The following CNTN5 variants were observed in gnomAD, a reference collection of about 807,000 sequenced individuals.
The protein encoded by CNTN5 is contactin-5.
CNTN5 carries 77 observed loss-of-function variants against 129.1 expected under a neutral mutation model. The observed-to-expected ratio is 0.60, with a 90% CI of 0.50 to 0.72. The LOEUF (loss-of-function observed/expected upper bound fraction) is 0.72. CNTN5 is among the 30% of genes least tolerant of loss of function. The probability of loss-of-function intolerance (pLI) is 0.00; values close to 1 mark genes in which losing one functional copy is unlikely to be tolerated. For synonymous variants in CNTN5, 509 were observed against 465.6 expected, an observed-to-expected ratio of 1.09 and a Z score of -1.20; for missense variants, 1,478 against 1,328.8, an observed-to-expected ratio of 1.11 and a Z score of -1.75.
At chr11:99,956,740 G>C in intron 7 of CNTN5, 66 bp from the exon 8 acceptor site, 2 of 1,196,794 alleles carry the variant, frequency 1.7e-6, no homozygotes, top group Non-Finnish European at 2.5e-6. Context: ...AGGCTTTGTT[G>C]TTTGAGCTTT....
chr11:100,299,399 C>G lies in CNTN5; in HGVS notation c.2620+3C>G. The G allele has an allele frequency of 2.6e-6, 4 of 1,553,024 alleles. No individual in the cohort carries two copies. The East Asian group carries it at 9.0e-5, about 35-fold the overall frequency. On this transcript the variant is annotated splice_donor_region_variant and intron_variant, in intron 20 of 24. Transcript: ENST00000524871. The stretch of plus-strand genomic sequence containing the variant: ...GGTCATCTGTTCAGCTGAAGGAGGT[C>G]AGTTTTTTTATTCCTATTATTTTTA...
intron 3 of CNTN5, among the ~76,000 whole-genome samples, chr11:99,742,748 C>A (rs573004398): frequency 6.6e-6 from 1 of 152,276 alleles, no homozygotes; most frequent in East Asian, 1.9e-4. Context: ...GCCTAGCGTT[C>A]CTTCTACTGA....
chr11:99,247,810 C>T (rs1255226684), intron 1 of CNTN5, among the ~76,000 whole-genome samples: 1 of 152,112 alleles, frequency 6.6e-6, no homozygotes, highest in Non-Finnish European at 1.5e-5. Context: ...TTTATGGCTG[C>T]ATGGTATTCC....
intron 2 of CNTN5, among the ~76,000 whole-genome samples, chr11:99,424,856 G>C (rs538146597): frequency 3.3e-5 from 5 of 152,254 alleles, no homozygotes; most frequent in South Asian, 2.1e-4. Flanking sequence ...TGTCCAGGAA[G>C]AATGAGGTAC....
chr11:99,942,441 T>C (rs964390771), intron 7 of CNTN5, among the ~76,000 whole-genome samples: 2 of 152,192 alleles, frequency 1.3e-5, no homozygotes, highest in African/African-American at 2.4e-5. Flanking sequence ...AAATTGGCAG[T>C]GTTGTAAGCA....
chr11:100,176,260 C>T (rs7938409), intron 13 of CNTN5, among the ~76,000 whole-genome samples: 4,684 of 151,950 alleles, frequency 0.031, 243 homozygotes, highest in African/African-American at 0.11. Flanking sequence ...CCTCAAGTGA[C>T]CCACCCACCT....
chr11:99,524,312 T>A lies in CNTN5; in HGVS notation c.-70-31833T>A, dbSNP rs77956481. 7.4e-4 allele frequency among the ~76,000 whole-genome samples: 112 copies of A among 152,310 alleles called. 2 individuals are homozygous for A. In the East Asian group the frequency reaches 0.015, roughly 20 times the overall value. On this transcript the variant is annotated intron_variant, in intron 2 of 24. Coordinates refer to ENST00000524871, the MANE Select transcript of CNTN5 (RefSeq NM_014361.4). ...TTTGTTTTGTATTTTCATAAAATGA[T>A]CATTTTAATTTAAAGGTATAATAAT... is the stretch of plus-strand genomic sequence containing the variant.
intron 8 of CNTN5, among the ~76,000 whole-genome samples, chr11:99,958,792 A>T (rs895388234): frequency 6.6e-6 from 1 of 152,190 alleles, no homozygotes; most frequent in Non-Finnish European, 1.5e-5. Flanking sequence ...TCTGAAAATT[A>T]TAACTTTTTT....
chr11:99,754,795 G>A (rs971300030), intron 3 of CNTN5, among the ~76,000 whole-genome samples: 1 of 152,060 alleles, frequency 6.6e-6, no homozygotes, highest in Non-Finnish European at 1.5e-5. Flanking sequence ...GTTTACATTA[G>A]GGTTCACTCT....
intron 13 of CNTN5, among the ~76,000 whole-genome samples, chr11:100,123,344 A>G (rs1946087491): frequency 6.6e-6 from 1 of 152,068 alleles, no homozygotes. Context: ...GTCTAGTCTT[A>G]ATATTCCATG....
chr11:99,619,983 G>T (rs1404012112), intron 3 of CNTN5, among the ~76,000 whole-genome samples: 1 of 122,840 alleles, frequency 8.1e-6, no homozygotes, highest in African/African-American at 2.9e-5. Flanking sequence ...CCGAGATCGT[G>T]CCACTGCACT....
rs531745529 is a variant in CNTN5 at position 100,279,010 on chromosome 11, G to A, written c.2314+7769G>A. On this transcript the variant is annotated intron_variant, in intron 18 of 24. Transcript: ENST00000524871. Reference sequence around the variant, plus strand: ...CCAGTTTGTTGAGAATTTTTATCATGAAGAGATGCTAAATTTTATCAAATG... The same window carrying A: ...CCAGTTTGTTGAGAATTTTTATCATAAAGAGATGCTAAATTTTATCAAATG... 1.1e-4 allele frequency among the ~76,000 whole-genome samples: 17 copies of A among 152,058 alleles called. No homozygotes were observed. In the South Asian group the frequency reaches 3.5e-3, roughly 31 times the overall value.
chr11:99,698,643 T>C (rs1176999186), intron 3 of CNTN5, among the ~76,000 whole-genome samples: 1 of 151,574 alleles, frequency 6.6e-6, no homozygotes, highest in Non-Finnish European at 1.5e-5. Flanking sequence ...ATTGTTTCAG[T>C]AATTGCATGG....
intron 7 of CNTN5, among the ~76,000 whole-genome samples, chr11:99,917,373 C>G (rs1178455010): frequency 6.6e-6 from 1 of 151,970 alleles, no homozygotes; most frequent in African/African-American, 2.4e-5. Flanking sequence ...AAGACAACAT[C>G]TGTTTTAATT....
At chr11:99,595,836 T>C (rs978594282) in intron 3 of CNTN5, among the ~76,000 whole-genome samples, 2 of 152,046 alleles carry the variant, frequency 1.3e-5, no homozygotes, top group Admixed American at 6.6e-5. Flanking sequence ...TCAATAAATA[T>C]TGAACTTTAG....
At chr11:99,174,059 C>T (rs973843900) in intron 1 of CNTN5, among the ~76,000 whole-genome samples, 5 of 152,072 alleles carry the variant, frequency 3.3e-5, no homozygotes, top group Admixed American at 6.6e-5. Flanking sequence ...GTGCAGTGGC[C>T]GTGTTCTTGG....
rs527837281 is a variant in CNTN5, at chr11:99,709,383, T to A, written c.56-110161T>A. Among the ~76,000 whole-genome samples, 9 of 150,584 alleles carry A rather than the reference T, an allele frequency of 6.0e-5. No homozygotes were observed. In the South Asian group the frequency reaches 1.1e-3, roughly 18 times the overall value. On this transcript the variant is annotated intron_variant, in intron 3 of 24. Coordinates refer to ENST00000524871, the MANE Select transcript of CNTN5 (RefSeq NM_014361.4). Reference sequence around the variant, plus strand: ...ATGTCAAGATTTTGCACTGAATTGTTCAGTGGAACTTTACATTGAAAGTCT... The same window carrying A: ...ATGTCAAGATTTTGCACTGAATTGTACAGTGGAACTTTACATTGAAAGTCT...
Position 100,297,654 on chromosome 11 carries a change from G to A in CNTN5, c.2344G>A (p.Gly782Arg), listed in dbSNP as rs753838831. The A allele has an allele frequency of 5.0e-6, 8 of 1,605,246 alleles. No homozygotes were observed. The highest frequency in any genetic ancestry group is 2.2e-5 in the East Asian group (1 of 44,616). Reference protein sequence around the residue: ...VPKTAPTNVSGRSGRRHELVI... With the variant: ...VPKTAPTNVSRRSGRRHELVI... The stretch of plus-strand genomic sequence containing the variant: ...GAAGACAGCACCCACCAATGTAAGC[G>A]GAAGAAGTGGAAGAAGGCATGAGTT... The change falls in exon 19 of 25, where the codon GGA becomes AGA. Residue 782 changes from glycine (G) to arginine (R), a missense_variant. Gly to Arg is a moderately radical substitution (Grantham distance 125, BLOSUM62 -2). Coordinates refer to ENST00000524871, the MANE Select transcript of CNTN5 (RefSeq NM_014361.4).
At chr11:99,254,659 G>A (rs2135803124) in intron 1 of CNTN5, among the ~76,000 whole-genome samples, 2 of 151,902 alleles carry the variant, frequency 1.3e-5, no homozygotes, top group South Asian at 4.1e-4. Flanking sequence ...TTAGTTTCAT[G>A]ATAACAAAAA....
Sources: gnomAD v4.1 joint callset for allele counts (sites outside exome capture counted in the v4.1 genomes callset) on GRCh38, gnomAD v4.1.1 for gene constraint, MANE v1.5 for transcripts, NCBI Gene and HGNC (gene_info 2026-07-23, HGNC 2026-07-21) for gene names.